ZNF740: variants seen among roughly 807,000 people sequenced by gnomAD.
ZNF740 encodes oriLyt TD-element-binding protein 7.
A neutral mutation model predicts 24.8 loss-of-function variants in ZNF740; 14 were observed. That is an observed-to-expected ratio of 0.56 (90% CI 0.37 to 0.88). ZNF740 has a LOEUF of 0.88. Ranked by LOEUF, ZNF740 falls within the 40% of genes least tolerant of loss-of-function variation. The probability of loss-of-function intolerance (pLI) is 0.00; values close to 1 mark genes in which losing one functional copy is unlikely to be tolerated. For synonymous variants in ZNF740, 69 were observed against 84.0 expected (o/e 0.82, Z 0.98); for missense variants, 201 against 247.9 (o/e 0.81, Z 1.27).
chr12:53,191,534 T>G lies in ZNF740; in HGVS notation c.*3944T>G. On this transcript the variant is annotated 3_prime_UTR_variant, in exon 7 of 7. Transcript: ENST00000416904. ...CACTGTCCTCCAAGGAGAAGAGCCT[T>G]GGGTAAGTGTCCCTCCCTCCTTCAG... is the stretch of plus-strand genomic sequence containing the variant. 6 of 1,570,628 alleles carry G rather than the reference T, an allele frequency of 3.8e-6. No individual in the cohort carries two copies. Among genetic ancestry groups the G allele is most frequent in the Non-Finnish European group, 4.4e-6 (5 of 1,140,452 alleles).
chr12:53,194,014 T>C lies in ZNF740; in HGVS notation c.*6424T>C, dbSNP rs1942067302. On this transcript the variant is annotated 3_prime_UTR_variant, in exon 7 of 7. Transcript: ENST00000416904. ...AGTAAATGAAGGGATGGGGTCATGT[T>C]AACACCCAACTCCTAGAAACATGCC... 1 of 1,311,822 alleles carries C rather than the reference T, an allele frequency of 7.6e-7. No homozygotes were observed. The highest frequency in any genetic ancestry group is 2.1e-5 in the Admixed American group (1 of 46,606). The allele number at this position is 1,311,822 out of a possible 1,614,324, so 81.3% of individuals were successfully genotyped here.
chr12:53,191,654 A>G lies in ZNF740; in HGVS notation c.*4064A>G. ...TTACTGTCCTGGAGAAAGATGTTGC[A>G]GATTATAAGCAAAAATCCCAGGATT... is the stretch of plus-strand genomic sequence containing the variant. On this transcript the variant is annotated 3_prime_UTR_variant, in exon 7 of 7. Coordinates refer to ENST00000416904, the MANE Select transcript of ZNF740 (RefSeq NM_001004304.4). 6.2e-7 allele frequency: 1 copy of G among 1,606,900 alleles called. No homozygotes were observed. The highest frequency in any genetic ancestry group is 8.5e-7 in the Non-Finnish European group (1 of 1,173,422).
At chr12:53,182,119 G>A in intron 2 of ZNF740, 127 bp downstream of exon 2, 1 of 1,357,606 alleles carries the variant, frequency 7.4e-7, no homozygotes, top group Non-Finnish European at 1.0e-6. Flanking sequence ...AGCACCAGGG[G>A]GAGATCTAGA....
chr12:53,185,781 A>G (rs12819299), intron 4 of ZNF740, among the ~76,000 whole-genome samples, 173 bp from the exon 5 acceptor site: 8,941 of 152,104 alleles, frequency 0.059, 360 homozygotes, highest in East Asian at 0.17. Context: ...TACCCACTCC[A>G]CCTCCTTCCC....
chr12:53,187,738 G>A lies in ZNF740; in HGVS notation c.*148G>A, dbSNP rs377380668. 1 of 636,278 alleles carries A rather than the reference G, an allele frequency of 1.6e-6. No homozygotes were observed. The allele number at this position is 636,278 out of a possible 1,614,324, so 39.4% of individuals were successfully genotyped here. On this transcript the variant is annotated 3_prime_UTR_variant, in exon 7 of 7. Transcript: ENST00000416904. The stretch of plus-strand genomic sequence containing the variant: ...AGGAGACCAGAAGAGTGCATCAGGG[G>A]ACAGTGGCCCCAGAACCTCAGCTCT...
chr12:53,186,600 AC>A, intron 6 of ZNF740, 91 bp downstream of exon 6: 1 of 1,002,054 alleles, frequency 1.0e-6, no homozygotes, highest in Non-Finnish European at 1.5e-6. Flanking sequence ...CAAAAGAGCC[AC>A]CAGCGTTACT....
intron 5 of ZNF740, 68 bp downstream of exon 5, chr12:53,186,145 G>T: frequency 1.3e-6 from 2 of 1,559,538 alleles, no homozygotes; most frequent in South Asian, 2.4e-5. Context: ...TCTGTTTGTG[G>T]CTCTAGTTGG....
chr12:53,189,471 G>A lies in ZNF740; in HGVS notation c.*1881G>A, dbSNP rs1196087189. The A allele has an allele frequency of 6.6e-6, 1 of 152,084 alleles. No individual in the cohort carries two copies. Among genetic ancestry groups the A allele is most frequent in the Non-Finnish European group, 1.5e-5 (1 of 68,016 alleles). 9.4% of individuals were successfully genotyped at this position (152,084 alleles called of 1,614,324 possible). On this transcript the variant is annotated 3_prime_UTR_variant, in exon 7 of 7. Transcript: ENST00000416904. ...ATTCTGGAGGGGTGGGGTTGGGGAG[G>A]GGGTTGTCCATACCTCTGTGGTATG...
intron 5 of ZNF740, 102 bp from the exon 6 acceptor site, chr12:53,186,289 G>C (rs148482531): frequency 8.2e-7 from 1 of 1,212,348 alleles, no homozygotes; most frequent in African/African-American, 1.5e-5. Flanking sequence ...TGATCACTTA[G>C]GTGTCTACAC....
Position 53,192,057 on chromosome 12 carries a change from A to T in ZNF740, c.*4467A>T. On this transcript the variant is annotated 3_prime_UTR_variant, in exon 7 of 7. Transcript: ENST00000416904. ...AACCAGACACACTTGTGGGAGCTGGAGCATAGGGACAGATCATCAGTTGCT... is the reference window on the plus strand; with the variant it reads ...AACCAGACACACTTGTGGGAGCTGGTGCATAGGGACAGATCATCAGTTGCT... 6.2e-7 allele frequency: 1 copy of T among 1,601,498 alleles called. No homozygotes were observed. The highest frequency in any genetic ancestry group is 8.5e-7 in the Non-Finnish European group (1 of 1,172,730).
chr12:53,191,993 C>T lies in ZNF740; in HGVS notation c.*4403C>T. On this transcript the variant is annotated 3_prime_UTR_variant, in exon 7 of 7. Transcript: ENST00000416904. Reference sequence around the variant, plus strand: ...ACGATGCCCCCTACGCAGCCCAGCACAATGGCCTGCGTGTGGTCTGCTCCC... The same window carrying T: ...ACGATGCCCCCTACGCAGCCCAGCATAATGGCCTGCGTGTGGTCTGCTCCC... The T allele has an allele frequency of 1.9e-6, 3 of 1,613,098 alleles. No homozygotes were observed. The highest frequency in any genetic ancestry group is 2.5e-6 in the Non-Finnish European group (3 of 1,179,946).
chr12:53,194,242 C>T lies in ZNF740; in HGVS notation c.*6652C>T. On this transcript the variant is annotated 3_prime_UTR_variant, in exon 7 of 7. Transcript: ENST00000416904. ...TGGTTGCACTGTCCTCGATCCTCAG[C>T]CTTACCCTCCCTCTTCTCAGGACCC... The T allele has an allele frequency of 2.5e-6, 4 of 1,614,084 alleles. No individual in the cohort carries two copies. Among genetic ancestry groups the T allele is most frequent in the Non-Finnish European group, 3.4e-6 (4 of 1,180,014 alleles).
chr12:53,192,978 A>G lies in ZNF740; in HGVS notation c.*5388A>G. The G allele has an allele frequency of 2.0e-6, 3 of 1,501,834 alleles. No individual in the cohort carries two copies. In the South Asian group the frequency reaches 3.4e-5, roughly 17 times the overall value. The allele number at this position is 1,501,834 out of a possible 1,614,324, so 93.0% of individuals were successfully genotyped here. On this transcript the variant is annotated 3_prime_UTR_variant, in exon 7 of 7. Coordinates refer to ENST00000416904, the MANE Select transcript of ZNF740 (RefSeq NM_001004304.4). Reference sequence around the variant, plus strand: ...ACACAGTTGGCCATCATGTGGCACGACAAGCCCACGCATCCAATCTTTTTG... The same window carrying G: ...ACACAGTTGGCCATCATGTGGCACGGCAAGCCCACGCATCCAATCTTTTTG...
In ZNF740 at chr12:53,184,924, G is replaced by A; in HGVS notation, c.43G>A (p.Val15Met). ...CCTGGCTTGTGAAGGCCTAGCAGGTGTGAGTTTGGTTCCCACTGCAGCCAG... is the reference window on the plus strand; with the variant it reads ...CCTGGCTTGTGAAGGCCTAGCAGGTATGAGTTTGGTTCCCACTGCAGCCAG... ...SLLACEGLAG[V>M]SLVPTAASKK... Residue 15 changes from valine to methionine, a missense_variant, in exon 3 of 7, where the codon GTG becomes ATG. By Grantham distance (21) the Val-to-Met change is conservative (BLOSUM62 1). This residue lies in a region of ZNF740 where 117 missense variants were observed against 122.3 expected (regional missense o/e 0.96). Transcript: ENST00000416904. The A allele has an allele frequency of 1.2e-6, 2 of 1,613,946 alleles. No individual in the cohort carries two copies. The highest frequency in any genetic ancestry group is 1.7e-6 in the Non-Finnish European group (2 of 1,179,858).
intron 2 of ZNF740, among the ~76,000 whole-genome samples, chr12:53,184,112 G>GGGGT (rs1489426702): frequency 1.1e-5 from 1 of 87,414 alleles, no homozygotes; most frequent in Non-Finnish European, 2.1e-5. Context: ...CTGAAGCTAA[G>GGGGT]GGGTGTGTGT....
chr12:53,194,424 C>T lies in ZNF740; in HGVS notation c.*6834C>T. Reference sequence around the variant, plus strand: ...CCACCTTATGTCCTCTCCAGGTGTTCCCAATTCTGCCAGCACCCTGCCCTC... The same window carrying T: ...CCACCTTATGTCCTCTCCAGGTGTTTCCAATTCTGCCAGCACCCTGCCCTC... On this transcript the variant is annotated 3_prime_UTR_variant, in exon 7 of 7. Transcript: ENST00000416904. The T allele has an allele frequency of 7.0e-7, 1 of 1,429,142 alleles. No homozygotes were observed. Among genetic ancestry groups the T allele is most frequent in the Non-Finnish European group, 9.6e-7 (1 of 1,037,108 alleles). The allele number at this position is 1,429,142 out of a possible 1,614,324, so 88.5% of individuals were successfully genotyped here.
rs775509701 is a variant in ZNF740, at chr12:53,191,703, G to C, written c.*4113G>C. 3 of 1,547,366 alleles carry C rather than the reference G, an allele frequency of 1.9e-6. No homozygotes were observed. In the South Asian group the frequency reaches 3.4e-5, roughly 17 times the overall value. ...TTCCTCGTCCCCTTTCTAGACCTAA[G>C]AGGCCAGCCTTGAGCCGAATCCTAG... On this transcript the variant is annotated 3_prime_UTR_variant, in exon 7 of 7. Transcript: ENST00000416904.
rs931304320 is a variant in ZNF740 at position 53,192,185 on chromosome 12, C to G, written c.*4595C>G. 9 of 1,197,840 alleles carry G rather than the reference C, an allele frequency of 7.5e-6. No homozygotes were observed. In the Admixed American group the frequency reaches 8.5e-5, roughly 11 times the overall value. The allele number at this position is 1,197,840 out of a possible 1,614,324, so 74.2% of individuals were successfully genotyped here. ...CCGCCCAGGGCCTTAGCCTCGTCCA[C>G]TTGCTCAATTGCCTCTGCCTTTGTC... On this transcript the variant is annotated 3_prime_UTR_variant, in exon 7 of 7. Transcript: ENST00000416904.
chr12:53,193,940 GCA>G lies in ZNF740; in HGVS notation c.*6359_*6360del, dbSNP rs750974825. 1.3e-6 allele frequency: 2 copies of G among 1,555,654 alleles called. No homozygotes were observed. Among genetic ancestry groups the G allele is most frequent in the African/African-American group, 1.4e-5 (1 of 73,048 alleles). ...GGAATCAGGCCATGGTTATACACAT[GCA>G]CACACACATACCCCAAACTCACCAA... is the stretch of plus-strand genomic sequence containing the variant. On this transcript the variant is annotated 3_prime_UTR_variant, in exon 7 of 7. Transcript: ENST00000416904.
Sources: gnomAD v4.1 joint callset for allele counts (sites outside exome capture counted in the v4.1 genomes callset) on GRCh38, gnomAD v4.1.1 for gene constraint, gnomAD v4.1.1 regional missense constraint, MANE v1.5 for transcripts, NCBI Gene and HGNC (gene_info 2026-07-23, HGNC 2026-07-21) for gene names.